The following BIRC6 variants were observed in gnomAD, a reference collection of about 807,000 sequenced individuals.
The protein encoded by BIRC6 is dual E2 ubiquitin-conjugating enzyme/E3 ubiquitin-protein ligase BIRC6.
BIRC6 carries 98 observed loss-of-function variants against 503.3 expected under a neutral mutation model. The ratio of observed to expected loss-of-function variants is 0.19; its 90% confidence interval spans 0.17 to 0.23. BIRC6 has a LOEUF of 0.23. Among genes scored for constraint, BIRC6 ranks in the 10% least tolerant of loss-of-function variants. BIRC6 has a pLI of 1.00. For synonymous variants in BIRC6, 2,240 were observed against 2,078.7 expected, an observed-to-expected ratio of 1.08 and a Z score of -2.11; for missense variants, 5,360 against 5,806.0, an observed-to-expected ratio of 0.92 and a Z score of 2.50.
At chr2:32,413,787 T>C (rs1391361617) in intron 9 of BIRC6, among the ~76,000 whole-genome samples, 1 of 152,094 alleles carries the variant, frequency 6.6e-6, no homozygotes, top group Non-Finnish European at 1.5e-5. Flanking sequence ...CTGGATGTGC[T>C]CAAGTCCCTT....
chr2:32,509,677 T>G, intron 51 of BIRC6, 61 bp from the exon 52 acceptor site: 2 of 1,583,662 alleles, frequency 1.3e-6, no homozygotes, highest in African/African-American at 1.4e-5. Context: ...AAAAGTTATG[T>G]TCTACCCCGA....
At chr2:32,615,576 A>C (rs1451701077) in intron 73 of BIRC6, among the ~76,000 whole-genome samples, 1 of 152,140 alleles carries the variant, frequency 6.6e-6, no homozygotes, top group South Asian at 2.1e-4. Context: ...TTGTTCTGTA[A>C]ATAAATGTTG....
At chr2:32,373,865 G>T (rs1444366652) in intron 1 of BIRC6, among the ~76,000 whole-genome samples, 2 of 152,176 alleles carry the variant, frequency 1.3e-5, no homozygotes, top group Non-Finnish European at 2.9e-5. Context: ...ATAGTTGAAT[G>T]GATAAAAGGA....
chr2:32,529,887 A>T, intron 60 of BIRC6, 63 bp downstream of exon 60: 1 of 1,069,726 alleles, frequency 9.3e-7, no homozygotes, highest in South Asian at 3.0e-5. Context: ...AGATTTCTAT[A>T]GCTAATGACT....
In BIRC6 at chr2:32,575,184, C is replaced by T; in HGVS notation, c.13173C>T (p.Leu4391=). 6.2e-7 allele frequency: 1 copy of T among 1,613,990 alleles called. No homozygotes were observed. The highest frequency in any genetic ancestry group is 8.5e-7 in the Non-Finnish European group (1 of 1,179,888). The change falls in exon 66 of 74, where the codon CTC becomes CTT. Residue 4391 remains leucine, a synonymous_variant. Transcript: ENST00000421745. ...SVLDMARHVP[L]YRALLELLRA... is the part of the protein sequence containing the mutation. ...TGGACATGGCAAGACATGTGCCACT[C>T]TATCGGGCACTGCTGGAATTGCTTC...
chr2:32,456,808 A>G (rs1216818209), intron 23 of BIRC6, among the ~76,000 whole-genome samples: 2 of 152,224 alleles, frequency 1.3e-5, no homozygotes, highest in African/African-American at 4.8e-5. Flanking sequence ...TAATGAGGCC[A>G]GTATGTTAAA....
At chr2:32,409,154 T>G (rs1317901889) in intron 9 of BIRC6, among the ~76,000 whole-genome samples, 4 of 152,148 alleles carry the variant, frequency 2.6e-5, no homozygotes, top group Non-Finnish European at 5.9e-5. Flanking sequence ...TTTTCTGTTT[T>G]TTTTTGTTTT....
rs565566413 is a variant in BIRC6 at position 32,470,396 on chromosome 2, T to G, written c.6481+95T>G. ...TCTCTGAAATACTTTAATAATTATT[T>G]GCAGCACATTTAATATTTTTATGAT... On this transcript the variant is annotated intron_variant, in intron 31 of 73. Transcript: ENST00000421745. 24 of 1,194,308 alleles carry G rather than the reference T, an allele frequency of 2.0e-5. No homozygotes were observed. In the East Asian group the frequency reaches 6.4e-4, roughly 32 times the overall value. 74.0% of individuals were successfully genotyped at this position (1,194,308 alleles called of 1,614,324 possible).
chr2:32,588,884 C>T (rs1573223136), intron 66 of BIRC6, among the ~76,000 whole-genome samples: 2 of 152,148 alleles, frequency 1.3e-5, no homozygotes, highest in Non-Finnish European at 2.9e-5. Flanking sequence ...AGATGGGACC[C>T]TTTAGCATTT....
At position 32,478,775 on chromosome 2, in the gene BIRC6, G is replaced by A; in HGVS notation, c.7209G>A (p.Trp2403Ter). ...NRGDISWGGA[W>*]AQYSLTCMLQ... ...GAGATATATCTTGGGGTGGTGCTTGGGCTCAGTATTCCTTAACTTGCATGC... is the reference window on the plus strand; with the variant it reads ...GAGATATATCTTGGGGTGGTGCTTGAGCTCAGTATTCCTTAACTTGCATGC... The change falls in exon 36 of 74, where the codon TGG (tryptophan) becomes TGA (stop). Residue 2403 changes from tryptophan (W) to a stop codon, truncating the protein, a stop_gained. Transcript: ENST00000421745. LOFTEE classifies it high-confidence loss of function. The A allele has an allele frequency of 1.2e-6, 2 of 1,613,544 alleles. No homozygotes were observed. Among genetic ancestry groups the A allele is most frequent in the Non-Finnish European group, 1.7e-6 (2 of 1,179,736 alleles).
At chr2:32,437,402 T>C (rs1206756503) in intron 15 of BIRC6, among the ~76,000 whole-genome samples, 1 of 152,122 alleles carries the variant, frequency 6.6e-6, no homozygotes, top group East Asian at 1.9e-4. Context: ...TTAAAGAAAT[T>C]TGGGGTGGGG....
chr2:32,511,748 A>G (rs1170758284), intron 53 of BIRC6, among the ~76,000 whole-genome samples: 7 of 151,840 alleles, frequency 4.6e-5, no homozygotes, highest in Non-Finnish European at 8.8e-5. Flanking sequence ...TTCCTGATTT[A>G]TGTTACTTTT....
intron 3 of BIRC6, among the ~76,000 whole-genome samples, chr2:32,380,858 G>A (rs1166354135): frequency 6.6e-6 from 1 of 152,162 alleles, no homozygotes; most frequent in African/African-American, 2.4e-5. Flanking sequence ...GATGGACCTG[G>A]ATTGGTCAAG....
intron 15 of BIRC6, among the ~76,000 whole-genome samples, chr2:32,437,357 TAAAAA>T (rs925432791): frequency 2.0e-5 from 3 of 151,822 alleles, no homozygotes; most frequent in Admixed American, 6.6e-5. Context: ...TGGGGGTAAA[TAAAAA>T]AAACCAACAC....
chr2:32,445,476 A>G, intron 20 of BIRC6, 45 bp from the exon 21 acceptor site: 1 of 1,452,612 alleles, frequency 6.9e-7, no homozygotes, highest in Non-Finnish European at 9.2e-7. Context: ...TTGTTAGAGG[A>G]AAAGGAGGAA....
At chr2:32,453,407 C>G (rs542445396) in intron 22 of BIRC6, among the ~76,000 whole-genome samples, 1 of 152,238 alleles carries the variant, frequency 6.6e-6, no homozygotes, top group South Asian at 2.1e-4. Context: ...AGAATGTATT[C>G]TGATTTTACA....
At chr2:32,445,072 C>G (rs1320356208) in intron 20 of BIRC6, among the ~76,000 whole-genome samples, 2 of 152,190 alleles carry the variant, frequency 1.3e-5, no homozygotes, top group African/African-American at 4.8e-5. Flanking sequence ...CCCATTCATT[C>G]ACTAAAATGG....
rs573929968 is a variant in BIRC6, at chr2:32,387,144, A to G, written c.646-1606A>G. ...TGCACAGTCACTGTAGTGAATGCCC[A>G]TAGGTCTTTCTGAGGGAAGGTTTGG... On this transcript the variant is annotated intron_variant, in intron 3 of 73. Coordinates refer to ENST00000421745, the MANE Select transcript of BIRC6 (RefSeq NM_016252.4). Among the ~76,000 whole-genome samples, 12 of 152,288 alleles carry G rather than the reference A, an allele frequency of 7.9e-5. No homozygotes were observed. In the South Asian group the frequency reaches 2.3e-3, roughly 29 times the overall value.
chr2:32,587,503 C>T (rs2061120523), intron 66 of BIRC6, among the ~76,000 whole-genome samples: 1 of 152,146 alleles, frequency 6.6e-6, no homozygotes, highest in African/African-American at 2.4e-5. Flanking sequence ...TTTGGCAGGC[C>T]AAGGCAGGTG....
Sources: allele counts gnomAD v4.1 joint callset (sites outside exome capture counted in the v4.1 genomes callset), GRCh38; gene constraint gnomAD v4.1.1; transcripts MANE v1.5; gene names NCBI Gene and HGNC (gene_info 2026-07-23, HGNC 2026-07-21).